LAMA3: variants seen among roughly 807,000 people sequenced by gnomAD.
LAMA3 encodes laminin subunit alpha-3.
A neutral mutation model predicts 402.0 loss-of-function variants in LAMA3; 281 were observed. The observed-to-expected ratio is 0.70, with a 90% CI of 0.63 to 0.77. The LOEUF (loss-of-function observed/expected upper bound fraction) is 0.77, where lower values mean the gene tolerates loss of function less well. Among genes scored for constraint, LAMA3 ranks in the 30% least tolerant of loss-of-function variants. LAMA3 has a pLI of 0.00. For synonymous variants in LAMA3, 1,431 were observed against 1,558.4 expected, an observed-to-expected ratio of 0.92 and a Z score of 1.93; for missense variants, 3,840 against 4,215.5, an observed-to-expected ratio of 0.91 and a Z score of 2.47.
At chr18:23,693,715 A>G (rs1316896270) in intron 1 of LAMA3, among the ~76,000 whole-genome samples, 1 of 152,194 alleles carries the variant, frequency 6.6e-6, no homozygotes, top group African/African-American at 2.4e-5. Flanking sequence ...CTCAAATAAT[A>G]TTTTGGGGGG....
At chr18:23,800,775 G>A (rs1340136417) in intron 12 of LAMA3, among the ~76,000 whole-genome samples, 2 of 152,098 alleles carry the variant, frequency 1.3e-5, no homozygotes, top group Non-Finnish European at 2.9e-5. Flanking sequence ...GTGAGAACAT[G>A]CAGAATTTAT....
chr18:23,881,008 T>A (rs2064877885), intron 39 of LAMA3, among the ~76,000 whole-genome samples: 1 of 152,208 alleles, frequency 6.6e-6, no homozygotes, highest in Non-Finnish European at 1.5e-5. Context: ...TTCCAGCCCA[T>A]AAAATTAACA....
intron 3 of LAMA3, among the ~76,000 whole-genome samples, chr18:23,749,204 C>G (rs756034806): frequency 2.0e-5 from 3 of 152,206 alleles, no homozygotes; most frequent in Non-Finnish European, 4.4e-5. Flanking sequence ...GGAGTTAGCA[C>G]TGCATCTCCA....
chr18:23,928,122 G>T lies in LAMA3; in HGVS notation c.8178-1G>T. Reference sequence around the variant, plus strand: ...TTCCTTTTATCTGTGTTCGTAATCAGATTTAACATTTCTACGCCTGCTTTC... The same window carrying T: ...TTCCTTTTATCTGTGTTCGTAATCATATTTAACATTTCTACGCCTGCTTTC... On this transcript the variant is annotated splice_acceptor_variant, in intron 62 of 74. Transcript: ENST00000313654. LOFTEE classifies it high-confidence loss of function. 6.2e-7 allele frequency: 1 copy of T among 1,604,186 alleles called. No individual in the cohort carries two copies. The highest frequency in any genetic ancestry group is 8.5e-7 in the Non-Finnish European group (1 of 1,170,914).
chr18:23,952,446 A>G (rs2082949016), intron 73 of LAMA3, among the ~76,000 whole-genome samples: 2 of 152,232 alleles, frequency 1.3e-5, no homozygotes, highest in South Asian at 4.1e-4. Flanking sequence ...TGTGGATATT[A>G]GAGATCTATG....
intron 5 of LAMA3, among the ~76,000 whole-genome samples, chr18:23,753,489 T>C (rs1291458836): frequency 6.6e-6 from 1 of 152,236 alleles, no homozygotes; most frequent in East Asian, 1.9e-4. Flanking sequence ...GCAATTTCCC[T>C]TCATGAACTT....
At chr18:23,895,295 G>A (rs1341677819) in intron 44 of LAMA3, among the ~76,000 whole-genome samples, 2 of 152,104 alleles carry the variant, frequency 1.3e-5, no homozygotes, top group South Asian at 2.1e-4. Flanking sequence ...TTTTCTCATC[G>A]AGCCTTTATT....
intron 47 of LAMA3, 23 bp from the exon 48 acceptor site, chr18:23,901,104 A>T: frequency 6.2e-7 from 1 of 1,606,136 alleles, no homozygotes; most frequent in Non-Finnish European, 8.5e-7. Context: ...GTCAAATAGA[A>T]AACATGAGGT....
At chr18:23,860,957 G>A (rs1422125150) in intron 34 of LAMA3, among the ~76,000 whole-genome samples, 1 of 151,986 alleles carries the variant, frequency 6.6e-6, no homozygotes, top group Non-Finnish European at 1.5e-5. Flanking sequence ...CTCCCAAAGT[G>A]CTGTGATTAC....
intron 4 of LAMA3, 37 bp downstream of exon 4, chr18:23,749,583 A>C: frequency 8.3e-6 from 10 of 1,203,896 alleles, no homozygotes; most frequent in African/African-American, 1.5e-5. Flanking sequence ...GATAAGACTC[A>C]GAAATGACCA....
chr18:23,700,272 C>T (rs977799439), intron 1 of LAMA3, among the ~76,000 whole-genome samples: 1 of 152,050 alleles, frequency 6.6e-6, no homozygotes, highest in African/African-American at 2.4e-5. Context: ...ATCCAAGAAC[C>T]CTCTTGGAGC....
At chr18:23,815,024 G>T (rs749962084) in intron 15 of LAMA3, among the ~76,000 whole-genome samples, 164 bp from the exon 16 acceptor site, 1 of 152,234 alleles carries the variant, frequency 6.6e-6, no homozygotes, top group Non-Finnish European at 1.5e-5. Flanking sequence ...GCCAACTTCA[G>T]AAAGCAGTCT....
rs1238254968 is a variant in LAMA3, at chr18:23,928,351, T to C, written c.8295+111T>C. 4 of 782,824 alleles carry C rather than the reference T, an allele frequency of 5.1e-6. No individual in the cohort carries two copies. In the African/African-American group the frequency reaches 6.8e-5, roughly 13 times the overall value. 48.5% of individuals were successfully genotyped at this position (782,824 alleles called of 1,614,324 possible). ...TTTCTGATAGCACACAGTGTTACAG[T>C]GAACTGGCTCATATACACTCCCCAT... On this transcript the variant is annotated intron_variant, in intron 63 of 74. Coordinates refer to ENST00000313654, the MANE Select transcript of LAMA3 (RefSeq NM_198129.4).
At chr18:23,845,750 T>A (rs923547465) in intron 30 of LAMA3, among the ~76,000 whole-genome samples, 1 of 152,214 alleles carries the variant, frequency 6.6e-6, no homozygotes, top group African/African-American at 2.4e-5. Flanking sequence ...TGGAGGTGAA[T>A]GCTGCTCAGC....
intron 34 of LAMA3, 119 bp from the exon 35 acceptor site, chr18:23,861,527 G>A: frequency 9.3e-7 from 1 of 1,077,690 alleles, no homozygotes; most frequent in Non-Finnish European, 1.4e-6. Flanking sequence ...GACGCATAAA[G>A]GAGGCCTCTG....
intron 7 of LAMA3, among the ~76,000 whole-genome samples, chr18:23,761,513 A>C (rs1440680899): frequency 1.3e-5 from 2 of 152,232 alleles, no homozygotes; most frequent in Non-Finnish European, 2.9e-5. Flanking sequence ...CCTAAGCCCC[A>C]GTTTTCCAAT....
At chr18:23,922,860 A>G (rs1484683668) in intron 62 of LAMA3, among the ~76,000 whole-genome samples, 1 of 152,226 alleles carries the variant, frequency 6.6e-6, no homozygotes, top group Non-Finnish European at 1.5e-5. Flanking sequence ...CCTAATGGGC[A>G]TCAGGCAGAG....
intron 1 of LAMA3, among the ~76,000 whole-genome samples, chr18:23,699,155 G>A (rs2060745582): frequency 1.3e-5 from 2 of 152,218 alleles, no homozygotes; most frequent in African/African-American, 2.4e-5. Context: ...GGGAGAGGGC[G>A]ACCCTGGAGG....
chr18:23,860,965 T>C (rs2064205141), intron 34 of LAMA3, among the ~76,000 whole-genome samples: 1 of 152,174 alleles, frequency 6.6e-6, no homozygotes, highest in African/African-American at 2.4e-5. Context: ...GTGCTGTGAT[T>C]ACAGATGTGA....
Sources: gnomAD v4.1 joint callset for allele counts (sites outside exome capture counted in the v4.1 genomes callset) on GRCh38, gnomAD v4.1.1 for gene constraint, MANE v1.5 for transcripts, NCBI Gene and HGNC (gene_info 2026-07-23, HGNC 2026-07-21) for gene names.